DMTN: variants seen among roughly 807,000 people sequenced by gnomAD.
DMTN encodes dematin actin binding protein, also known as dematin.
A neutral mutation model predicts 59.4 loss-of-function variants in DMTN; 27 were observed. The ratio of observed to expected loss-of-function variants is 0.45; its 90% confidence interval spans 0.33 to 0.63. The LOEUF is 0.63. DMTN is among the 20% of genes least tolerant of loss of function. The pLI is 0.02. For synonymous variants in DMTN, 221 were observed against 203.7 expected (o/e 1.08, Z -0.72); for missense variants, 451 against 528.9 (o/e 0.85, Z 1.45).
chr8:22,067,719 G>C (rs773374057), intron 4 of DMTN, 37 bp downstream of exon 4: 126 of 1,573,792 alleles, frequency 8.0e-5, no homozygotes, highest in East Asian at 6.1e-4. Context: ...TCCGGGGGAG[G>C]CCCCCCCCAG....
In DMTN at chr8:22,058,137, T is replaced by G. The variant is rs1208557861; in HGVS notation, c.-172+1001T>G. On this transcript the variant is annotated intron_variant, in intron 1 of 15. Transcript: ENST00000358242. This position sits in a 1 kb window ranked among gnomAD's most constrained non-coding sequence, Gnocchi z 4.3. ...AGCTGGCACACAGGGCTTCGGAGTC[T>G]CCCCGCGTGCATGCGTCCTGCAACG... Among the ~76,000 whole-genome samples, 1 of 151,928 alleles carries G rather than the reference T, an allele frequency of 6.6e-6. No homozygotes were observed. Among genetic ancestry groups the G allele is most frequent in the Non-Finnish European group, 1.5e-5 (1 of 67,982 alleles).
In DMTN at chr8:22,070,291, C is replaced by T. The variant is rs148314902; in HGVS notation, c.561C>T (p.Ile187=). 112 of 1,613,534 alleles carry T rather than the reference C, an allele frequency of 6.9e-5. No homozygotes were observed. The African/African-American group carries it at 1.1e-3, about 16-fold the overall frequency. The change falls in exon 8 of 16, where the codon ATC becomes ATT. Residue 187 remains isoleucine, a synonymous_variant. Transcript: ENST00000358242. The part of the protein sequence containing the change: ...QPPDPNQPAK[I]ETDYWPCPPS... ...CAGACCCCAACCAGCCAGCCAAAAT[C>T]GAAACCGACTACTGGCCATGCCCCC... is the stretch of plus-strand genomic sequence containing the variant.
upstream of DMTN, among the ~76,000 whole-genome samples, chr8:22,051,545 A>AC (rs973425708): frequency 1.3e-5 from 2 of 150,626 alleles, no homozygotes; most frequent in African/African-American, 4.9e-5. Flanking sequence ...GCCACACCCC[A>AC]CCCCCCTCGG....
At position 22,060,933 on chromosome 8, in the gene DMTN, T is replaced by TCGCCAATCCAAGCC. The variant is rs1302014953; in HGVS notation, c.-172+3798_-172+3811dup. 1.3e-5 allele frequency among the ~76,000 whole-genome samples: 2 copies of TCGCCAATCCAAGCC among 152,146 alleles called. No individual in the cohort carries two copies. Among genetic ancestry groups the TCGCCAATCCAAGCC allele is most frequent in the Non-Finnish European group, 2.9e-5 (2 of 68,018 alleles). ...ACTTCTTCATGTGCAAACGAGGTAC[T>TCGCCAATCCAAGCC]CGCCAATCCAAGCCAACCCACAAGA... On this transcript the variant is annotated intron_variant, in intron 1 of 15. Transcript: ENST00000358242. This position sits in a 1 kb window ranked among gnomAD's most constrained non-coding sequence, Gnocchi z 5.0.
In DMTN at chr8:22,073,844, T is replaced by G; in HGVS notation, c.835+9T>G. 6.2e-7 allele frequency: 1 copy of G among 1,612,610 alleles called. No homozygotes were observed. Among genetic ancestry groups the G allele is most frequent in the Non-Finnish European group, 8.5e-7 (1 of 1,178,880 alleles). The stretch of plus-strand genomic sequence containing the variant: ...GACACCCTTCCATACCTGTGAGTGC[T>G]GTGGAGGGGGCTCAGAGTCACCTGG... On this transcript the variant is annotated intron_variant, in intron 10 of 15. Transcript: ENST00000358242.
At chr8:22,062,882 GA>G (rs2130692359) in intron 1 of DMTN, among the ~76,000 whole-genome samples, 1 of 144,046 alleles carries the variant, frequency 6.9e-6, no homozygotes, top group South Asian at 2.5e-4. Flanking sequence ...AAAACACAAA[GA>G]CTCACTAGAG....
chr8:22,070,465 T>G, intron 8 of DMTN, 131 bp downstream of exon 8: 1 of 1,180,652 alleles, frequency 8.5e-7, no homozygotes, highest in Non-Finnish European at 1.1e-6. Context: ...TTTTCCTACC[T>G]TCAGGAGCCC....
Position 22,081,859 on chromosome 8 carries a change from C to T in DMTN, c.*396C>T, listed in dbSNP as rs766013608. ...GGAAGCGGCCAGGCAGAAAGAGCTC[C>T]AGGCTCTTGTGTCGCCCACCCAGCC... On this transcript the variant is annotated 3_prime_UTR_variant, in exon 16 of 16. Coordinates refer to ENST00000358242, the MANE Select transcript of DMTN (RefSeq NM_001387751.1). 8 of 464,756 alleles carry T rather than the reference C, an allele frequency of 1.7e-5. No individual in the cohort carries two copies. The highest frequency in any genetic ancestry group is 3.4e-5 in the Non-Finnish European group (8 of 232,648). 28.8% of individuals were successfully genotyped at this position (464,756 alleles called of 1,614,324 possible). A position where few individuals can be genotyped will look rare whatever the true frequency, so the allele number is the denominator to read the frequency against.
At position 22,058,142 on chromosome 8, in the gene DMTN, G is replaced by A. The variant is rs575073753; in HGVS notation, c.-172+1006G>A. Among the ~76,000 whole-genome samples, 14 of 152,260 alleles carry A rather than the reference G, an allele frequency of 9.2e-5. No individual in the cohort carries two copies. The highest frequency in any genetic ancestry group is 4.1e-4 in the South Asian group (2 of 4,824). ...GCACACAGGGCTTCGGAGTCTCCCC[G>A]CGTGCATGCGTCCTGCAACGGTTTC... On this transcript the variant is annotated intron_variant, in intron 1 of 15. Coordinates refer to ENST00000358242, the MANE Select transcript of DMTN (RefSeq NM_001387751.1). The surrounding 1 kb of genome is among the most constrained non-coding windows in gnomAD (Gnocchi z 4.3).
chr8:22,067,758 G>C, intron 4 of DMTN, 76 bp downstream of exon 4: 3 of 1,536,126 alleles, frequency 2.0e-6, no homozygotes, highest in South Asian at 1.2e-5. Context: ...GATCCCTCCC[G>C]TGCTTCCTTT....
At position 22,069,484 on chromosome 8, in the gene DMTN, C is replaced by A. The variant is rs1285841180; in HGVS notation, c.360C>A (p.Thr120=). Residue 120 remains threonine (T), a synonymous_variant, in exon 6 of 16, where the codon ACC becomes ACA. Coordinates refer to ENST00000358242, the MANE Select transcript of DMTN (RefSeq NM_001387751.1). ...CCTCGGCCCCCAGAACCACTGGAAC[C>A]CCCCGGACCAGCCTGCCCCATTTCC... The part of the protein sequence containing the change: ...SQASAPRTTG[T]PRTSLPHFHH... 8 of 1,611,992 alleles carry A rather than the reference C, an allele frequency of 5.0e-6. No individual in the cohort carries two copies. Among genetic ancestry groups the A allele is most frequent in the Admixed American group, 1.7e-5 (1 of 59,554 alleles).
At position 22,069,530 on chromosome 8, in the gene DMTN, C is replaced by G; in HGVS notation, c.394+12C>G. Reference sequence around the variant, plus strand: ...TTTCCACCACCCTGGTAGGTCTTCTCGGCACGACCTCATTGTTTCCTAAGA... The same window carrying G: ...TTTCCACCACCCTGGTAGGTCTTCTGGGCACGACCTCATTGTTTCCTAAGA... On this transcript the variant is annotated intron_variant, in intron 6 of 15. Transcript: ENST00000358242. 1 of 1,579,100 alleles carries G rather than the reference C, an allele frequency of 6.3e-7. No homozygotes were observed. Among genetic ancestry groups the G allele is most frequent in the Non-Finnish European group, 8.6e-7 (1 of 1,161,254 alleles).
At chr8:22,051,977 A>G (rs1801398146), upstream of DMTN, among the ~76,000 whole-genome samples, 1 of 152,148 alleles carries the variant, frequency 6.6e-6, no homozygotes, top group Non-Finnish European at 1.5e-5. Context: ...CCCCTTTAAG[A>G]ATACTGGAAA....
chr8:22,052,981 C>T (rs1387579716), upstream of DMTN, among the ~76,000 whole-genome samples: 2 of 152,120 alleles, frequency 1.3e-5, no homozygotes, highest in African/African-American at 4.8e-5. Context: ...CAGGAGAGAG[C>T]ACAGGCCAGG....
rs764053941 is a variant in DMTN at position 22,067,583 on chromosome 8, C to A, written c.150C>A (p.Asp50Glu). 1.2e-6 allele frequency: 2 copies of A among 1,614,222 alleles called. No homozygotes were observed. The stretch of plus-strand genomic sequence containing the variant: ...AGGACCTGGCTGCCATCCCCAAGGA[C>A]AAGGCCATCCTGGACATCGAGCGGC... ...GYKDLAAIPKDKAILDIERPD... is the reference protein window; with the variant it reads ...GYKDLAAIPKEKAILDIERPD... The change falls in exon 4 of 16, where the codon GAC (aspartate) becomes GAA (glutamate). Residue 50 changes from aspartate to glutamate, a missense_variant. Physicochemically the swap from Asp to Glu is conservative, Grantham distance 45 (BLOSUM62 2). Transcript: ENST00000358242.
At chr8:22,067,783 T>G in intron 4 of DMTN, 101 bp downstream of exon 4, 1 of 1,409,566 alleles carries the variant, frequency 7.1e-7, no homozygotes, top group Admixed American at 2.1e-5. Flanking sequence ...GAGGTCTGCC[T>G]CGGCAAAACA....
At chr8:22,070,375 C>T (rs1435938137) in intron 8 of DMTN, 41 bp downstream of exon 8, 4 of 1,555,412 alleles carry the variant, frequency 2.6e-6, no homozygotes, top group East Asian at 2.3e-5. Context: ...GTCTGGGAAA[C>T]TCCTGCACTC....
At chr8:22,051,918 T>C (rs1455776231), upstream of DMTN, among the ~76,000 whole-genome samples, 1 of 152,184 alleles carries the variant, frequency 6.6e-6, no homozygotes, top group African/African-American at 2.4e-5. Flanking sequence ...TCTTTAAGAC[T>C]CCTGTCCAGC....
chr8:22,062,430 C>T (rs1372195787), intron 1 of DMTN, among the ~76,000 whole-genome samples: 2 of 152,148 alleles, frequency 1.3e-5, no homozygotes, highest in African/African-American at 2.4e-5. Flanking sequence ...CTTCCCAAAG[C>T]CAGTCTTGTA....
Sources: gnomAD v4.1 joint callset for allele counts (sites outside exome capture counted in the v4.1 genomes callset) on GRCh38, gnomAD v4.1.1 for gene constraint, Gnocchi (gnomAD v3.1) non-coding constraint, MANE v1.5 for transcripts, NCBI Gene and HGNC (gene_info 2026-07-23, HGNC 2026-07-21) for gene names.